Variants in CSMD1 observed in about 807,000 individuals in gnomAD.
The protein encoded by CSMD1 is CUB and sushi domain-containing protein 1.
CSMD1 carries 213 observed loss-of-function variants against 417.5 expected under a neutral mutation model. The observed-to-expected ratio is 0.51, with a 90% confidence interval of 0.46 to 0.57. The LOEUF (loss-of-function observed/expected upper bound fraction) is 0.57, where lower values mean the gene tolerates loss of function less well. Among genes scored for constraint, CSMD1 ranks in the 20% least tolerant of loss-of-function variants. The pLI is 0.00. For missense variants in CSMD1, 6,923 were observed against 4,529.7 expected (o/e 1.53, Z -15.17); for synonymous variants, 2,862 against 1,736.8 (o/e 1.65, Z -16.11).
At chr8:3,860,971 G>A (rs952948189) in intron 5 of CSMD1, among the ~76,000 whole-genome samples, 2 of 152,142 alleles carry the variant, frequency 1.3e-5, no homozygotes, top group African/African-American at 4.8e-5. Flanking sequence ...AAAATGAAAT[G>A]ACAAATGAAA....
rs1259944659 is a variant in CSMD1, at chr8:4,468,844, TATCA to T, written c.303-48783_303-48780del. Reference sequence around the variant, plus strand: ...AATTTAGCCCAAACAGCAATTGAATTATCAATTAAGCTAATTATAAACTTGAACA... The same window carrying T: ...AATTTAGCCCAAACAGCAATTGAATTATTAAGCTAATTATAAACTTGAACA... On this transcript the variant is annotated intron_variant, in intron 2 of 69. Coordinates refer to ENST00000635120, the MANE Select transcript of CSMD1 (RefSeq NM_033225.6). Among the ~76,000 whole-genome samples, 3 of 152,324 alleles carry T rather than the reference TATCA, an allele frequency of 2.0e-5. No individual in the cohort carries two copies. In the East Asian group the frequency reaches 5.8e-4, roughly 29 times the overall value.
chr8:4,311,797 C>T (rs1254703807), intron 3 of CSMD1, among the ~76,000 whole-genome samples: 1 of 150,364 alleles, frequency 6.7e-6, no homozygotes, highest in African/African-American at 2.5e-5. Context: ...GAACAACACA[C>T]ACTAGGGCCT....
At chr8:3,671,560 CATAT>C (rs752837903) in intron 7 of CSMD1, among the ~76,000 whole-genome samples, 564 of 6,348 alleles carry the variant, frequency 0.089, 42 homozygotes, top group African/African-American at 0.24. Flanking sequence ...TATATATGAT[CATAT>C]ATATATATAT....
chr8:4,265,778 C>T (rs1225624059), intron 3 of CSMD1, among the ~76,000 whole-genome samples: 1 of 104,374 alleles, frequency 9.6e-6, no homozygotes, highest in African/African-American at 2.6e-5. Flanking sequence ...CTCAAGTTTC[C>T]CTAATGTGAT....
chr8:4,552,686 G>A (rs1275494843), intron 2 of CSMD1, among the ~76,000 whole-genome samples: 1 of 152,088 alleles, frequency 6.6e-6, no homozygotes, highest in Non-Finnish European at 1.5e-5. Context: ...AATGAGATGG[G>A]TCTATTACCC....
chr8:4,651,099 T>C (rs1344482419), intron 1 of CSMD1, among the ~76,000 whole-genome samples: 1 of 152,108 alleles, frequency 6.6e-6, no homozygotes, highest in Non-Finnish European at 1.5e-5. Context: ...TATAACATGA[T>C]GCCAAGCGAA....
intron 3 of CSMD1, among the ~76,000 whole-genome samples, chr8:4,354,116 G>A (rs1005591985): frequency 2.0e-5 from 3 of 152,130 alleles, no homozygotes; most frequent in African/African-American, 7.2e-5. Context: ...ACTTGCCCAA[G>A]AACGCGCCTG....
At chr8:3,786,835 C>T (rs539566374) in intron 5 of CSMD1, among the ~76,000 whole-genome samples, 2 of 152,234 alleles carry the variant, frequency 1.3e-5, no homozygotes, top group African/African-American at 2.4e-5. Context: ...TCTACTGGCT[C>T]TTGTTATAAA....
At chr8:3,043,517 G>T (rs1176183041) in intron 50 of CSMD1, among the ~76,000 whole-genome samples, 1 of 151,896 alleles carries the variant, frequency 6.6e-6, no homozygotes, top group Non-Finnish European at 1.5e-5. Context: ...TATATAAATT[G>T]CATTTAATCA....
chr8:3,040,784 C>A (rs1811035554), intron 50 of CSMD1, among the ~76,000 whole-genome samples: 1 of 151,874 alleles, frequency 6.6e-6, no homozygotes, highest in Non-Finnish European at 1.5e-5. Context: ...GCCTGGGTGG[C>A]AGAGTGAGAC....
At chr8:4,296,389 T>C (rs1797681946) in intron 3 of CSMD1, among the ~76,000 whole-genome samples, 1 of 152,160 alleles carries the variant, frequency 6.6e-6, no homozygotes, top group Non-Finnish European at 1.5e-5. Context: ...TTTCTAAACA[T>C]AATAATGATT....
At chr8:3,602,985 G>C (rs1014756303) in intron 8 of CSMD1, among the ~76,000 whole-genome samples, 1 of 152,088 alleles carries the variant, frequency 6.6e-6, no homozygotes, top group Non-Finnish European at 1.5e-5. Flanking sequence ...TACAGATATT[G>C]AAAAGACTGT....
chr8:4,179,272 C>A (rs1461979809), intron 3 of CSMD1, among the ~76,000 whole-genome samples: 1 of 152,010 alleles, frequency 6.6e-6, no homozygotes, highest in Admixed American at 6.6e-5. Context: ...GAAATAATGC[C>A]ACGTATCTAC....
intron 68 of CSMD1, among the ~76,000 whole-genome samples, chr8:2,944,531 G>A (rs776608019): frequency 2.0e-5 from 3 of 152,146 alleles, no homozygotes; most frequent in Non-Finnish European, 4.4e-5. Flanking sequence ...CAGAGGGAAT[G>A]TTCACACGGA....
At chr8:4,634,450 G>A (rs1025026745) in intron 2 of CSMD1, among the ~76,000 whole-genome samples, 1 of 152,076 alleles carries the variant, frequency 6.6e-6, no homozygotes, top group Non-Finnish European at 1.5e-5. Context: ...TTGTTTAACA[G>A]AAAAACTGTT....
intron 1 of CSMD1, among the ~76,000 whole-genome samples, chr8:4,814,716 G>A (rs942074782): frequency 1.3e-5 from 2 of 152,158 alleles, no homozygotes; most frequent in Admixed American, 1.3e-4. Context: ...TGTACCCTGT[G>A]ACATAGGTTT....
intron 5 of CSMD1, among the ~76,000 whole-genome samples, chr8:3,896,034 G>T (rs952102408): frequency 6.6e-6 from 1 of 152,196 alleles, no homozygotes; most frequent in Admixed American, 6.5e-5. Context: ...AAGAAAGGAA[G>T]AAATGACTGC....
At chr8:3,390,555 C>T (rs1811289992) in intron 17 of CSMD1, among the ~76,000 whole-genome samples, 1 of 151,958 alleles carries the variant, frequency 6.6e-6, no homozygotes, top group Non-Finnish European at 1.5e-5. Context: ...GACCACCGGA[C>T]TTTGTTGAAA....
intron 3 of CSMD1, among the ~76,000 whole-genome samples, chr8:4,131,275 C>A (rs183857652): frequency 1.3e-5 from 2 of 151,402 alleles, no homozygotes; most frequent in African/African-American, 4.9e-5. Context: ...ACTGTAGGAA[C>A]TGAAGAGGCT....
Sources: gnomAD v4.1 joint callset for allele counts (sites outside exome capture counted in the v4.1 genomes callset) on GRCh38, gnomAD v4.1.1 for gene constraint, MANE v1.5 for transcripts, NCBI Gene and HGNC (gene_info 2026-07-23, HGNC 2026-07-21) for gene names.